ERC2: variants seen among roughly 807,000 people sequenced by gnomAD.
The protein encoded by ERC2 is ELKS/RAB6-interacting/CAST family member 2.
A neutral mutation model predicts 114.8 loss-of-function variants in ERC2; 42 were observed. That is an observed-to-expected ratio of 0.37 (90% confidence interval 0.29 to 0.47). The LOEUF is 0.47. Ranked by LOEUF, ERC2 falls within the 20% of genes least tolerant of loss-of-function variation. The pLI is 0.99. For synonymous variants in ERC2, 454 were observed against 425.5 expected, an observed-to-expected ratio of 1.07 and a Z score of -0.82; for missense variants, 939 against 1,150.7, an observed-to-expected ratio of 0.82 and a Z score of 2.66.
intron 2 of ERC2, among the ~76,000 whole-genome samples, chr3:56,393,884 C>T (rs553907109): frequency 6.6e-6 from 1 of 152,206 alleles, no homozygotes; most frequent in South Asian, 2.1e-4. Context: ...CATCTCTTGA[C>T]CCCCTGATCA....
chr3:56,097,646 T>G (rs1180170603), intron 6 of ERC2, among the ~76,000 whole-genome samples: 1 of 152,196 alleles, frequency 6.6e-6, no homozygotes, highest in Admixed American at 6.5e-5. Flanking sequence ...TAACAATTGG[T>G]AATGGGAAGT....
intron 13 of ERC2, among the ~76,000 whole-genome samples, chr3:55,889,866 C>T (rs551999609): frequency 1.3e-4 from 20 of 152,274 alleles, no homozygotes; most frequent in Non-Finnish European, 2.5e-4. Context: ...ACAATTTCTT[C>T]AGTTTTACAT....
intron 14 of ERC2, among the ~76,000 whole-genome samples, chr3:55,874,535 T>C (rs911946056): frequency 7.9e-5 from 12 of 152,148 alleles, no homozygotes; most frequent in African/African-American, 2.9e-4. Flanking sequence ...AATGTAAACA[T>C]TTTCTAGCAA....
chr3:56,215,060 G>A (rs1015618373), intron 3 of ERC2, among the ~76,000 whole-genome samples: 12 of 152,192 alleles, frequency 7.9e-5, no homozygotes, highest in East Asian at 3.9e-4. Flanking sequence ...AAAGACCATC[G>A]AGGCTAGGAA....
chr3:56,190,289 T>C (rs1032488056), intron 3 of ERC2, among the ~76,000 whole-genome samples: 2 of 152,104 alleles, frequency 1.3e-5, no homozygotes, highest in African/African-American at 2.4e-5. Flanking sequence ...TGCTAGCCCT[T>C]TCTGTGGCTC....
intron 6 of ERC2, among the ~76,000 whole-genome samples, chr3:56,085,387 CAA>C (rs1182992610): frequency 3.3e-5 from 5 of 152,274 alleles, no homozygotes; most frequent in African/African-American, 9.6e-5. Context: ...GACTGCATTA[CAA>C]GAGAGAGTGG....
chr3:55,824,705 TG>T (rs1415489542), intron 14 of ERC2, among the ~76,000 whole-genome samples: 3 of 152,214 alleles, frequency 2.0e-5, no homozygotes, highest in African/African-American at 7.2e-5. Context: ...AACCCACATC[TG>T]CTAATCAAAA....
At chr3:55,950,351 G>A in intron 13 of ERC2, 74 bp downstream of exon 13, 1 of 1,553,628 alleles carries the variant, frequency 6.4e-7, no homozygotes, top group Non-Finnish European at 8.8e-7. Flanking sequence ...CATATTTTCT[G>A]GCACCAATGG....
At chr3:56,081,107 T>A in intron 6 of ERC2, 123 bp from the exon 7 acceptor site, 1 of 971,132 alleles carries the variant, frequency 1.0e-6, no homozygotes, top group Non-Finnish European at 1.5e-6. Context: ...ATGGAACCAC[T>A]GCTCATGGCA....
At chr3:55,947,742 A>G (rs1331294370) in intron 13 of ERC2, among the ~76,000 whole-genome samples, 1 of 152,220 alleles carries the variant, frequency 6.6e-6, no homozygotes, top group African/African-American at 2.4e-5. Flanking sequence ...ATCTGTAAGA[A>G]TAAACTATTG....
At chr3:56,200,883 TC>T (rs2048368133) in intron 3 of ERC2, among the ~76,000 whole-genome samples, 1 of 152,190 alleles carries the variant, frequency 6.6e-6, no homozygotes, top group Admixed American at 6.5e-5. Flanking sequence ...GGAATTTCAT[TC>T]CCCATCCATT....
chr3:56,323,560 G>C (rs2057223207), intron 2 of ERC2, among the ~76,000 whole-genome samples: 1 of 152,166 alleles, frequency 6.6e-6, no homozygotes, highest in African/African-American at 2.4e-5. Context: ...GCCAAAGCCA[G>C]CCCTAAGAAT....
intron 13 of ERC2, among the ~76,000 whole-genome samples, chr3:55,942,495 C>T: frequency 6.8e-6 from 1 of 148,126 alleles, no homozygotes. Flanking sequence ...GACGGGGTTT[C>T]ACCGTTTTAG....
chr3:55,821,494 C>G (rs2060123029), intron 14 of ERC2, among the ~76,000 whole-genome samples: 1 of 152,194 alleles, frequency 6.6e-6, no homozygotes, highest in African/African-American at 2.4e-5. Flanking sequence ...TATTGAAGCA[C>G]ACTTTACCAG....
chr3:55,519,525 C>T (rs766692535), intron 17 of ERC2, among the ~76,000 whole-genome samples: 2 of 152,200 alleles, frequency 1.3e-5, no homozygotes, highest in African/African-American at 2.4e-5. Context: ...CTCTCTCACA[C>T]GCTGACATAT....
At chr3:56,347,709 G>A (rs2058363258) in intron 2 of ERC2, among the ~76,000 whole-genome samples, 1 of 152,026 alleles carries the variant, frequency 6.6e-6, no homozygotes, top group South Asian at 2.1e-4. Flanking sequence ...TGAGCTCAGA[G>A]GCCCTAGCAC....
At chr3:56,075,731 T>C (rs184848529) in intron 7 of ERC2, among the ~76,000 whole-genome samples, 14 of 152,264 alleles carry the variant, frequency 9.2e-5, no homozygotes, top group Non-Finnish European at 1.6e-4. Flanking sequence ...TCAGTAAATG[T>C]GAAATGAATA....
chr3:55,960,669 G>C (rs1349526870), intron 12 of ERC2, among the ~76,000 whole-genome samples: 2 of 152,182 alleles, frequency 1.3e-5, no homozygotes, highest in Admixed American at 1.3e-4. Flanking sequence ...GAAGTAATGA[G>C]TCCTACCCAT....
At chr3:56,428,157 A>G (rs1412274836) in intron 2 of ERC2, among the ~76,000 whole-genome samples, 1 of 152,182 alleles carries the variant, frequency 6.6e-6, no homozygotes, top group Non-Finnish European at 1.5e-5. Flanking sequence ...CAATTGGCAC[A>G]ACTCATCATA....
Sources: allele counts gnomAD v4.1 joint callset (sites outside exome capture counted in the v4.1 genomes callset), GRCh38; gene constraint gnomAD v4.1.1; transcripts MANE v1.5; gene names NCBI Gene and HGNC (gene_info 2026-07-23, HGNC 2026-07-21).